OGG1: variants seen among roughly 807,000 people sequenced by gnomAD.
The protein encoded by OGG1 is N-glycosylase/DNA lyase.
In OGG1, 35 loss-of-function variants were observed where a neutral mutation model predicts 42.3. The ratio of observed to expected loss-of-function variants is 0.83; its 90% CI spans 0.63 to 1.10. The LOEUF is 1.10. Ranked by LOEUF, OGG1 falls within the 50% of genes least tolerant of loss-of-function variation. OGG1 has a pLI of 0.00. For synonymous variants in OGG1, 189 were observed against 179.0 expected (o/e 1.06, Z -0.44); for missense variants, 484 against 446.7 (o/e 1.08, Z -0.75).
intron 3 of OGG1, among the ~76,000 whole-genome samples, chr3:9,753,331 G>A (rs548310540): frequency 2.8e-5 from 4 of 142,344 alleles, no homozygotes; most frequent in Admixed American, 7.2e-5. Context: ...GCGACAGGGC[G>A]ACAGGGCGAG....
At chr3:9,761,954 G>A (rs937082797), downstream of OGG1, 6 of 691,264 alleles carry the variant, frequency 8.7e-6, no homozygotes, top group Admixed American at 1.5e-4. Context: ...GAGGGTGTGG[G>A]GGGGAACTGT....
intron 3 of OGG1, among the ~76,000 whole-genome samples, chr3:9,782,470 T>C (rs1169088624): frequency 6.6e-6 from 1 of 152,196 alleles, no homozygotes; most frequent in Non-Finnish European, 1.5e-5. Context: ...GCCCTCAGCA[T>C]ACATTAGTCA....
In OGG1 at chr3:9,757,093, C is replaced by G; in HGVS notation, c.981C>G (p.Arg327=). 10 of 1,614,176 alleles carry G rather than the reference C, an allele frequency of 6.2e-6. No individual in the cohort carries two copies. The highest frequency in any genetic ancestry group is 8.5e-6 in the Non-Finnish European group (10 of 1,180,044). ...TCAGTGCCGACCTGCGCCAATCCCG[C>G]CATGCTCAGGAGCCACCAGCAAAGC... is the stretch of plus-strand genomic sequence containing the variant. The part of the protein sequence containing the change: ...VLFSADLRQS[R]HAQEPPAKRR... The change falls in exon 7 of 7, where the codon CGC becomes CGG. Residue 327 remains arginine, a synonymous_variant. Coordinates refer to ENST00000344629, the MANE Select transcript of OGG1 (RefSeq NM_002542.6). The surrounding 1 kb of genome is among the most constrained non-coding windows in gnomAD (Gnocchi z 4.5).
downstream of OGG1, chr3:9,789,966 G>A (rs960198276): frequency 3.2e-6 from 5 of 1,581,360 alleles, no homozygotes; most frequent in Middle Eastern, 3.4e-4. Flanking sequence ...GTGAGGATCT[G>A]AAATTTACAG....
At chr3:9,780,889 A>G (rs1000142713) in intron 2 of OGG1, among the ~76,000 whole-genome samples, 3 of 152,210 alleles carry the variant, frequency 2.0e-5, no homozygotes, top group Admixed American at 6.5e-5. Context: ...CTGCAGTCCC[A>G]GCACTTTGGG....
intron 3 of OGG1, among the ~76,000 whole-genome samples, chr3:9,752,529 CA>C (rs144337359): frequency 0.017 from 1,311 of 74,976 alleles, 13 homozygotes; most frequent in African/African-American, 0.043. Context: ...GACTCTGTCT[CA>C]AAAAAAAAAA....
At chr3:9,762,811 A>G in intron 7 of OGG1, 2 of 1,130,220 alleles carry the variant, frequency 1.8e-6, no homozygotes, top group Non-Finnish European at 2.6e-6. Context: ...TGGAAATCCA[A>G]GGCTCAGTGA....
downstream of OGG1, chr3:9,761,797 G>T: frequency 1.9e-6 from 3 of 1,610,008 alleles, no homozygotes; most frequent in South Asian, 1.1e-5. Context: ...AATCAGAGAT[G>T]GTTAGAGGCT....
intron 3 of OGG1, chr3:9,785,505 T>C: frequency 1.1e-6 from 1 of 922,572 alleles, no homozygotes; most frequent in South Asian, 1.6e-5. Context: ...CTGACAGTCT[T>C]CAAACACCAG....
chr3:9,754,902 T>C lies in OGG1; in HGVS notation c.747+17T>C. Reference sequence around the variant, plus strand: ...GGCACCAAGGTGAGGCCCCAGGGGGTAGGAGCTGCCCTCTCTACTGACACT... The same window carrying C: ...GGCACCAAGGTGAGGCCCCAGGGGGCAGGAGCTGCCCTCTCTACTGACACT... On this transcript the variant is annotated intron_variant, in intron 4 of 6. Coordinates refer to ENST00000344629, the MANE Select transcript of OGG1 (RefSeq NM_002542.6). The C allele has an allele frequency of 6.4e-7, 1 of 1,567,862 alleles. No homozygotes were observed. The highest frequency in any genetic ancestry group is 8.7e-7 in the Non-Finnish European group (1 of 1,154,986).
chr3:9,758,094 T>A, downstream of OGG1: 1 of 473,028 alleles, frequency 2.1e-6, no homozygotes, highest in Non-Finnish European at 3.6e-6. Flanking sequence ...TAATTCATAT[T>A]AATATGTAAT....
chr3:9,761,855 C>A, downstream of OGG1: 1 of 1,511,558 alleles, frequency 6.6e-7, no homozygotes. Context: ...ATAATGGATC[C>A]CCAAAAGCCA....
At chr3:9,757,865 A>G (rs1156645869), downstream of OGG1, 1 of 1,592,948 alleles carries the variant, frequency 6.3e-7, no homozygotes, top group Admixed American at 1.7e-5. This position sits in a 1 kb window ranked among gnomAD's most constrained non-coding sequence, Gnocchi z 4.5. Flanking sequence ...GAAGGCATTG[A>G]AGGGAGAGGG....
chr3:9,765,338 G>C (rs930581727), intron 7 of OGG1, among the ~76,000 whole-genome samples: 3 of 152,118 alleles, frequency 2.0e-5, no homozygotes, highest in African/African-American at 7.2e-5. Flanking sequence ...ATCAGCATGA[G>C]CAATTCATAG....
downstream of OGG1, among the ~76,000 whole-genome samples, chr3:9,768,901 C>T (rs1234660498): frequency 5.3e-5 from 8 of 152,062 alleles, no homozygotes; most frequent in Admixed American, 1.3e-4. Flanking sequence ...AAAGGAGACT[C>T]GAGTGTAAGC....
downstream of OGG1, chr3:9,761,737 G>A (rs1022819308): frequency 1.3e-5 from 21 of 1,614,046 alleles, no homozygotes; most frequent in Non-Finnish European, 1.6e-5. Context: ...CATCCAGGCT[G>A]TAGTACAGCA....
chr3:9,761,313 G>T, downstream of OGG1: 1 of 777,800 alleles, frequency 1.3e-6, no homozygotes, highest in Non-Finnish European at 2.0e-6. Flanking sequence ...AGTATCTATT[G>T]AATGAAGTAA....
chr3:9,770,435 AAG>A (rs1281758763), downstream of OGG1, among the ~76,000 whole-genome samples: 1 of 152,006 alleles, frequency 6.6e-6, no homozygotes, highest in African/African-American at 2.4e-5. Context: ...CTAGGCAATG[AAG>A]AGAGTGGAGG....
At chr3:9,781,833 CTTTT>C (rs35246642) in intron 3 of OGG1, among the ~76,000 whole-genome samples, 26 of 86,888 alleles carry the variant, frequency 3.0e-4, no homozygotes, top group East Asian at 1.1e-3. Flanking sequence ...CCCATTACTT[CTTTT>C]TTTTTTTTTT....
Sources: allele counts gnomAD v4.1 joint callset (sites outside exome capture counted in the v4.1 genomes callset), GRCh38; gene constraint gnomAD v4.1.1; non-coding constraint Gnocchi (gnomAD v3.1); transcripts MANE v1.5; gene names NCBI Gene and HGNC (gene_info 2026-07-23, HGNC 2026-07-21).